Variants in ST3GAL2 observed in about 807,000 individuals in gnomAD.
ST3GAL2 encodes ST3 beta-galactoside alpha-2,3-sialyltransferase 2.
ST3GAL2 carries 16 observed loss-of-function variants against 37.5 expected under a neutral mutation model. The ratio of observed to expected loss-of-function variants is 0.43; its 90% CI spans 0.29 to 0.65. ST3GAL2 has a LOEUF of 0.65. ST3GAL2 is among the 30% of genes least tolerant of loss of function. ST3GAL2 has a pLI of 0.17. For synonymous variants in ST3GAL2, 238 were observed against 202.9 expected (o/e 1.17, Z -1.47); for missense variants, 383 against 487.8 (o/e 0.79, Z 2.02).
intron 2 of ST3GAL2, among the ~76,000 whole-genome samples, chr16:70,396,162 G>A (rs1388093903): frequency 6.6e-6 from 1 of 151,478 alleles, no homozygotes; most frequent in Non-Finnish European, 1.5e-5. Context: ...GTAGATATGG[G>A]GTTTCTTCAT....
intron 1 of ST3GAL2, among the ~76,000 whole-genome samples, chr16:70,406,231 G>A (rs1182522264): frequency 6.6e-6 from 1 of 152,132 alleles, no homozygotes. Flanking sequence ...ATCACCTGGG[G>A]TCAGGAGTTC....
At position 70,399,038 on chromosome 16, in the gene ST3GAL2, G is replaced by A. The variant is rs752852117; in HGVS notation, c.-508C>T. The A allele has an allele frequency of 9.9e-6, 4 of 403,170 alleles. No individual in the cohort carries two copies. The highest frequency in any genetic ancestry group is 1.7e-5 in the Non-Finnish European group (4 of 228,798). 25.0% of individuals were successfully genotyped at this position (403,170 alleles called of 1,614,324 possible). On this transcript the variant is annotated 5_prime_UTR_variant, in exon 2 of 7. Transcript: ENST00000342907. ...CAACAGAGAGCACAGGGGCTTCAGG[G>A]GACTTGGGTTCCATGCAAGTGTTGT... is the stretch of plus-strand genomic sequence containing the variant.
chr16:70,381,676 G>T lies in ST3GAL2; in HGVS notation c.*13C>A. 2 of 1,611,330 alleles carry T rather than the reference G, an allele frequency of 1.2e-6. No homozygotes were observed. The highest frequency in any genetic ancestry group is 1.7e-6 in the Non-Finnish European group (2 of 1,178,768). On this transcript the variant is annotated 3_prime_UTR_variant, in exon 7 of 7. Transcript: ENST00000342907. The stretch of plus-strand genomic sequence containing the variant: ...CCGATAGATGGGCCGGAAGGGTCGC[G>T]GCGAGGCCCGGCTCAGTTGCCCCGG...
intron 4 of ST3GAL2, among the ~76,000 whole-genome samples, chr16:70,383,627 A>G (rs1337367648): frequency 7.0e-6 from 1 of 143,832 alleles, no homozygotes; most frequent in Non-Finnish European, 1.5e-5. Context: ...GAAAGGAGAA[A>G]GGAAAAGAAG....
chr16:70,382,847 C>T lies in ST3GAL2; in HGVS notation c.837G>A (p.Thr279=), dbSNP rs749327464. 7 of 1,614,138 alleles carry T rather than the reference C, an allele frequency of 4.3e-6. No homozygotes were observed. The highest frequency in any genetic ancestry group is 2.2e-5 in the East Asian group (1 of 44,880). Reference sequence around the variant, plus strand: ...GGGCAAAGAAAAGCACCAGCATCCCCGTGGAAGGGTACCGCCCGTGATGCT... The same window carrying T: ...GGGCAAAGAAAAGCACCAGCATCCCTGTGGAAGGGTACCGCCCGTGATGCT... ...WTEHHGRYPS[T]GMLVLFFALH... is the part of the protein sequence containing the mutation. The change falls in exon 6 of 7, where the codon ACG becomes ACA. Residue 279 remains threonine, a synonymous_variant. Coordinates refer to ENST00000342907, the MANE Select transcript of ST3GAL2 (RefSeq NM_006927.4).
At chr16:70,402,853 G>C (rs1465337307) in intron 1 of ST3GAL2, among the ~76,000 whole-genome samples, 2 of 152,146 alleles carry the variant, frequency 1.3e-5, no homozygotes, top group Non-Finnish European at 2.9e-5. Context: ...GTTTCACCAT[G>C]TTGGCCAGGC....
intron 1 of ST3GAL2, among the ~76,000 whole-genome samples, chr16:70,435,650 C>T (rs943356272): frequency 3.4e-5 from 5 of 149,038 alleles, no homozygotes; most frequent in Admixed American, 1.3e-4. Flanking sequence ...AAAAATTAGC[C>T]GGGCATGGTG....
At chr16:70,417,915 G>A (rs1378687124) in intron 1 of ST3GAL2, among the ~76,000 whole-genome samples, 3 of 152,140 alleles carry the variant, frequency 2.0e-5, no homozygotes, top group African/African-American at 4.8e-5. Context: ...GGGGTGAAGG[G>A]ACTAAGGTGC....
chr16:70,414,854 TTTA>T, intron 1 of ST3GAL2, among the ~76,000 whole-genome samples: 1 of 129,866 alleles, frequency 7.7e-6, no homozygotes, highest in Non-Finnish European at 1.5e-5. Flanking sequence ...TCTATTATTA[TTTA>T]TTTATTTATT....
chr16:70,381,008 C>T lies in ST3GAL2; in HGVS notation c.*681G>A, dbSNP rs1027636475. On this transcript the variant is annotated 3_prime_UTR_variant, in exon 7 of 7. Transcript: ENST00000342907. Reference sequence around the variant, plus strand: ...CCTTGCACTGAAGGGGACAGGGCTTCCTCGAGCTCTGCCCTGTCCCCTCCA... The same window carrying T: ...CCTTGCACTGAAGGGGACAGGGCTTTCTCGAGCTCTGCCCTGTCCCCTCCA... 1.3e-5 allele frequency: 2 copies of T among 152,344 alleles called. No individual in the cohort carries two copies. The highest frequency in any genetic ancestry group is 2.9e-5 in the Non-Finnish European group (2 of 68,124). 9.4% of individuals were successfully genotyped at this position (152,344 alleles called of 1,614,324 possible).
intron 1 of ST3GAL2, among the ~76,000 whole-genome samples, chr16:70,426,853 C>CTCTT (rs145480002): frequency 0.08 from 12,175 of 151,786 alleles, 1,611 homozygotes; most frequent in African/African-American, 0.28. Context: ...TGGATTTTCT[C>CTCTT]TCTTTCTTTT....
chr16:70,421,632 T>C (rs1242859281), intron 1 of ST3GAL2, among the ~76,000 whole-genome samples: 1 of 152,200 alleles, frequency 6.6e-6, no homozygotes, highest in Non-Finnish European at 1.5e-5. Flanking sequence ...CACATGATGG[T>C]GCTATCAGGG....
chr16:70,388,037 G>A (rs1349987098), intron 4 of ST3GAL2, among the ~76,000 whole-genome samples: 4 of 151,866 alleles, frequency 2.6e-5, no homozygotes, highest in East Asian at 1.9e-4. Context: ...GCTTGAACCC[G>A]GGAGGCGGAT....
intron 1 of ST3GAL2, among the ~76,000 whole-genome samples, chr16:70,435,498 T>C (rs2047818804): frequency 6.6e-6 from 1 of 152,108 alleles, no homozygotes; most frequent in Non-Finnish European, 1.5e-5. Context: ...CTTGGGAGGC[T>C]GAGTCAGGAG....
chr16:70,405,308 G>A (rs894668914), intron 1 of ST3GAL2, among the ~76,000 whole-genome samples: 6 of 152,136 alleles, frequency 3.9e-5, no homozygotes, highest in South Asian at 2.1e-4. Flanking sequence ...TTGGGAGGCC[G>A]AGGCAGACGG....
intron 1 of ST3GAL2, among the ~76,000 whole-genome samples, chr16:70,420,005 C>T (rs1408393571): frequency 2.1e-5 from 3 of 143,828 alleles, no homozygotes; most frequent in African/African-American, 7.7e-5. Context: ...CACAACTGAC[C>T]ATTTGACCCC....
intron 1 of ST3GAL2, among the ~76,000 whole-genome samples, chr16:70,426,724 G>A (rs1200582131): frequency 6.6e-6 from 1 of 151,944 alleles, no homozygotes; most frequent in Non-Finnish European, 1.5e-5. Context: ...TGGTCAGGCT[G>A]GTCTTGAACT....
chr16:70,434,054 A>T (rs996834120), intron 1 of ST3GAL2, among the ~76,000 whole-genome samples: 1 of 152,012 alleles, frequency 6.6e-6, no homozygotes. Flanking sequence ...CTGTAGATCT[A>T]TTGGTGGACT....
At chr16:70,384,691 G>A (rs1416031218) in intron 4 of ST3GAL2, among the ~76,000 whole-genome samples, 1 of 126,462 alleles carries the variant, frequency 7.9e-6, no homozygotes, top group African/African-American at 3.0e-5. Context: ...TGGCGACAGA[G>A]CGAAACTCTG....
Sources: allele counts gnomAD v4.1 joint callset (sites outside exome capture counted in the v4.1 genomes callset), GRCh38; gene constraint gnomAD v4.1.1; transcripts MANE v1.5; gene names NCBI Gene and HGNC (gene_info 2026-07-23, HGNC 2026-07-21).